Variants in MAGI2 observed in about 807,000 individuals in gnomAD.
The protein encoded by MAGI2 is membrane associated guanylate kinase, WW and PDZ domain containing 2.
A neutral mutation model predicts 133.3 loss-of-function variants in MAGI2; 35 were observed. The ratio of observed to expected loss-of-function variants is 0.26; its 90% CI spans 0.20 to 0.35. The LOEUF (loss-of-function observed/expected upper bound fraction) is 0.35, where lower values mean the gene tolerates loss of function less well. Ranked by LOEUF, MAGI2 falls within the 10% of genes least tolerant of loss-of-function variation. The probability of loss-of-function intolerance (pLI) is 1.00; values close to 1 mark genes in which losing one functional copy is unlikely to be tolerated. For synonymous variants in MAGI2, 729 were observed against 710.6 expected, an observed-to-expected ratio of 1.03 and a Z score of -0.41; for missense variants, 1,636 against 1,863.4, an observed-to-expected ratio of 0.88 and a Z score of 2.25.
At chr7:78,291,805 C>T (rs1200886073) in intron 9 of MAGI2, among the ~76,000 whole-genome samples, 3 of 152,152 alleles carry the variant, frequency 2.0e-5, no homozygotes, top group Non-Finnish European at 2.9e-5. Context: ...TGTAATTCAG[C>T]ATATAAACAG....
intron 2 of MAGI2, among the ~76,000 whole-genome samples, chr7:78,967,477 T>A (rs1184514186): frequency 6.6e-6 from 1 of 152,126 alleles, no homozygotes; most frequent in Non-Finnish European, 1.5e-5. Context: ...TTTTTGTTTT[T>A]GTTGCCTGTA....
chr7:79,099,059 A>T (rs2129543064), intron 1 of MAGI2, among the ~76,000 whole-genome samples: 1 of 152,284 alleles, frequency 6.6e-6, no homozygotes, highest in East Asian at 1.9e-4. Flanking sequence ...ATGAAAGGAG[A>T]CTTTAGGGAA....
At chr7:79,257,860 T>C (rs769019660) in intron 1 of MAGI2, among the ~76,000 whole-genome samples, 3 of 152,214 alleles carry the variant, frequency 2.0e-5, no homozygotes, top group Admixed American at 2.0e-4. Flanking sequence ...ATTTGTTATG[T>C]GCAGCAACAT....
intron 16 of MAGI2, among the ~76,000 whole-genome samples, chr7:78,138,625 T>TACA (rs1822410429): frequency 1.5e-5 from 2 of 129,430 alleles, no homozygotes; most frequent in East Asian, 2.3e-4. Flanking sequence ...AAACATAGAT[T>TACA]CACACACACA....
At chr7:79,141,898 G>T (rs1200713591) in intron 1 of MAGI2, among the ~76,000 whole-genome samples, 2 of 151,686 alleles carry the variant, frequency 1.3e-5, no homozygotes, top group Non-Finnish European at 2.9e-5. Flanking sequence ...TTAAATTTCT[G>T]GGTTTTAATG....
intron 9 of MAGI2, among the ~76,000 whole-genome samples, chr7:78,303,626 C>T (rs181523438): frequency 2.3e-3 from 344 of 152,210 alleles, no homozygotes; most frequent in African/African-American, 6.2e-3. Flanking sequence ...CTTTAGTCTT[C>T]GTTCACTTTC....
chr7:79,220,848 A>T (rs572425613), intron 1 of MAGI2, among the ~76,000 whole-genome samples: 2 of 152,238 alleles, frequency 1.3e-5, no homozygotes, highest in Middle Eastern at 3.4e-3. Flanking sequence ...AAATTATTTC[A>T]TTATAGACAC....
At chr7:78,632,716 CACTT>C (rs966381278) in intron 2 of MAGI2, among the ~76,000 whole-genome samples, 1 of 152,158 alleles carries the variant, frequency 6.6e-6, no homozygotes, top group African/African-American at 2.4e-5. Context: ...TATACACAGA[CACTT>C]ACATGTCAAC....
intron 3 of MAGI2, among the ~76,000 whole-genome samples, chr7:78,538,236 A>C (rs147666121): frequency 6.6e-6 from 1 of 152,106 alleles, no homozygotes; most frequent in African/African-American, 2.4e-5. Flanking sequence ...ATAGCCTTGT[A>C]GTATAGTTTG....
At chr7:79,092,101 T>C (rs1335839975) in intron 1 of MAGI2, among the ~76,000 whole-genome samples, 1 of 152,116 alleles carries the variant, frequency 6.6e-6, no homozygotes, top group Non-Finnish European at 1.5e-5. Context: ...TTTTCAGAAG[T>C]TCCACATTTT....
At chr7:78,031,680 C>T (rs1809581570) in intron 21 of MAGI2, among the ~76,000 whole-genome samples, 1 of 152,166 alleles carries the variant, frequency 6.6e-6, no homozygotes, top group Non-Finnish European at 1.5e-5. Flanking sequence ...ACAGCCCTGT[C>T]TGAAGTGGCA....
chr7:78,742,746 G>T (rs1264820485), intron 2 of MAGI2, among the ~76,000 whole-genome samples: 4 of 152,148 alleles, frequency 2.6e-5, no homozygotes, highest in African/African-American at 9.7e-5. Flanking sequence ...TAAATTTGTA[G>T]CTTGCTTGTG....
chr7:79,189,508 T>A (rs2129551029), intron 1 of MAGI2, among the ~76,000 whole-genome samples: 1 of 151,672 alleles, frequency 6.6e-6, no homozygotes, highest in East Asian at 1.9e-4. Context: ...TTCAAAAAAA[T>A]TAAGCGGAAC....
chr7:78,061,428 ACAC>A (rs1813254598), intron 21 of MAGI2, among the ~76,000 whole-genome samples: 3 of 110,444 alleles, frequency 2.7e-5, no homozygotes, highest in Non-Finnish European at 4.5e-5. Context: ...ACACACACAC[ACAC>A]ACACACACAC....
At chr7:79,282,837 C>G (rs1835751507) in intron 1 of MAGI2, among the ~76,000 whole-genome samples, 1 of 152,092 alleles carries the variant, frequency 6.6e-6, no homozygotes, top group African/African-American at 2.4e-5. Context: ...AGAGGTTTAA[C>G]AGCTAGTTGA....
At chr7:78,230,436 C>T (rs1013711923) in intron 10 of MAGI2, among the ~76,000 whole-genome samples, 2 of 152,142 alleles carry the variant, frequency 1.3e-5, no homozygotes, top group Non-Finnish European at 2.9e-5. Context: ...TAGGTGTATA[C>T]AAGTTTTAAA....
chr7:79,249,221 TAGA>T (rs930645006), intron 1 of MAGI2, among the ~76,000 whole-genome samples: 1 of 152,012 alleles, frequency 6.6e-6, no homozygotes, highest in Non-Finnish European at 1.5e-5. Flanking sequence ...ATCAAAAAAG[TAGA>T]AGAACAATCT....
At chr7:78,628,148 C>G (rs1563263755) in intron 2 of MAGI2, among the ~76,000 whole-genome samples, 2 of 152,208 alleles carry the variant, frequency 1.3e-5, no homozygotes, top group Non-Finnish European at 2.9e-5. Flanking sequence ...AGAGCAGAAA[C>G]AGAGACATCT....
chr7:79,378,972 T>TATA (rs1563168440), intron 1 of MAGI2, among the ~76,000 whole-genome samples: 77 of 76,730 alleles, frequency 1.0e-3, no homozygotes, highest in African/African-American at 3.5e-3. Context: ...ATATATATAT[T>TATA]AAACTTTAAG....
Sources: gnomAD v4.1 joint callset for allele counts (sites outside exome capture counted in the v4.1 genomes callset) on GRCh38, gnomAD v4.1.1 for gene constraint, MANE v1.5 for transcripts, NCBI Gene and HGNC (gene_info 2026-07-23, HGNC 2026-07-21) for gene names.